The following NMNAT2 variants were observed in gnomAD, a reference collection of about 807,000 sequenced individuals.
NMNAT2 encodes nicotinamide nucleotide adenylyltransferase 2.
A neutral mutation model predicts 41.6 loss-of-function variants in NMNAT2; 11 were observed. The observed-to-expected ratio is 0.26, with a 90% CI of 0.17 to 0.44. NMNAT2 has a LOEUF of 0.44. NMNAT2 is among the 20% of genes least tolerant of loss of function. The probability of loss-of-function intolerance (pLI) is 1.00; values close to 1 mark genes in which losing one functional copy is unlikely to be tolerated. For synonymous variants in NMNAT2, 148 were observed against 151.2 expected (o/e 0.98, Z 0.16); for missense variants, 288 against 407.7 (o/e 0.71, Z 2.53).
At chr1:183,287,249 A>G (rs1203214355) in intron 4 of NMNAT2, among the ~76,000 whole-genome samples, 3 of 152,098 alleles carry the variant, frequency 2.0e-5, no homozygotes, top group Admixed American at 1.3e-4. Context: ...CAAATGCTTC[A>G]TGGGGCTCAA....
intron 3 of NMNAT2, 25 bp from the exon 4 acceptor site, chr1:183,290,231 C>T (rs1661505464): frequency 6.5e-7 from 1 of 1,538,480 alleles, no homozygotes; most frequent in South Asian, 1.2e-5. Flanking sequence ...AAGAAGTTTC[C>T]CTTGGTTTCT....
intron 1 of NMNAT2, among the ~76,000 whole-genome samples, chr1:183,308,270 T>A (rs1254322182): frequency 6.6e-6 from 1 of 152,178 alleles, no homozygotes; most frequent in Non-Finnish European, 1.5e-5. Context: ...CCACTGTGTA[T>A]CACTTAAAGC....
At chr1:183,377,313 A>G (rs1171567866) in intron 1 of NMNAT2, among the ~76,000 whole-genome samples, 2 of 152,200 alleles carry the variant, frequency 1.3e-5, no homozygotes, top group East Asian at 1.9e-4. Context: ...GACCCTCCCC[A>G]TACCCACCAC....
chr1:183,311,843 C>T (rs1159325026), intron 1 of NMNAT2, among the ~76,000 whole-genome samples: 1 of 151,870 alleles, frequency 6.6e-6, no homozygotes, highest in African/African-American at 2.4e-5. Flanking sequence ...TTTGAATTCC[C>T]ACATGTTGTG....
intron 1 of NMNAT2, among the ~76,000 whole-genome samples, chr1:183,294,698 G>A (rs1022273722): frequency 2.0e-5 from 3 of 152,144 alleles, no homozygotes; most frequent in Non-Finnish European, 2.9e-5. Context: ...ACTGAGGCAG[G>A]AGAATCGCTT....
chr1:183,359,379 C>T (rs1663260373), intron 1 of NMNAT2, among the ~76,000 whole-genome samples: 1 of 152,068 alleles, frequency 6.6e-6, no homozygotes, highest in South Asian at 2.1e-4. Flanking sequence ...ACTGCCCACC[C>T]AAGAGATAGA....
intron 1 of NMNAT2, chr1:183,304,728 C>A: frequency 6.2e-7 from 1 of 1,614,088 alleles, no homozygotes; most frequent in African/African-American, 1.3e-5. Flanking sequence ...CCTCTAGTTC[C>A]TGGATTTCCA....
At chr1:183,275,202 A>G (rs983072377) in intron 8 of NMNAT2, among the ~76,000 whole-genome samples, 3 of 152,192 alleles carry the variant, frequency 2.0e-5, no homozygotes, top group Admixed American at 2.0e-4. Context: ...AATGGCTGAG[A>G]CTAAAATTAC....
chr1:183,348,768 C>T (rs1054822829), intron 1 of NMNAT2, among the ~76,000 whole-genome samples: 3 of 152,186 alleles, frequency 2.0e-5, no homozygotes, highest in Non-Finnish European at 4.4e-5. Flanking sequence ...ATTCTGCTTT[C>T]GGAGATCTTG....
At chr1:183,317,977 AC>A (rs1257042969) in intron 1 of NMNAT2, among the ~76,000 whole-genome samples, 1 of 152,212 alleles carries the variant, frequency 6.6e-6, no homozygotes, top group Non-Finnish European at 1.5e-5. Flanking sequence ...AAACAGACAA[AC>A]ACAATACAGT....
chr1:183,352,436 G>A (rs146013092), intron 1 of NMNAT2, among the ~76,000 whole-genome samples: 7 of 151,958 alleles, frequency 4.6e-5, no homozygotes, highest in African/African-American at 1.4e-4. Context: ...AGTGGCATGC[G>A]CCTGCAATCC....
At chr1:183,411,336 A>T (rs1649111126) in intron 1 of NMNAT2, among the ~76,000 whole-genome samples, 1 of 151,966 alleles carries the variant, frequency 6.6e-6, no homozygotes, top group Non-Finnish European at 1.5e-5. Flanking sequence ...TTTTTTTAAG[A>T]TGGAGTCTCA....
At chr1:183,347,281 C>T (rs973429063) in intron 1 of NMNAT2, among the ~76,000 whole-genome samples, 1 of 152,108 alleles carries the variant, frequency 6.6e-6, no homozygotes, top group Non-Finnish European at 1.5e-5. Context: ...TAGTGAGATG[C>T]CATCTCTACA....
intron 3 of NMNAT2, among the ~76,000 whole-genome samples, chr1:183,291,410 G>A (rs1286059521): frequency 2.0e-5 from 3 of 152,118 alleles, no homozygotes; most frequent in Admixed American, 6.5e-5. Flanking sequence ...CCCTGGGAGC[G>A]CACCTGTGCC....
chr1:183,333,508 G>A (rs569468085), intron 1 of NMNAT2, among the ~76,000 whole-genome samples: 95 of 152,316 alleles, frequency 6.2e-4, no homozygotes, highest in Admixed American at 1.6e-3. Flanking sequence ...GAAAGAAGCA[G>A]AGGTCAGAGT....
At chr1:183,299,614 ATGACCAACATGGGCAACATAG>A (rs1661794420) in intron 1 of NMNAT2, among the ~76,000 whole-genome samples, 1 of 151,732 alleles carries the variant, frequency 6.6e-6, no homozygotes, top group Admixed American at 6.6e-5. Context: ...CTAGGAGTTC[ATGACCAACATGGGCAACATAG>A]TGAGACCTCT....
intron 1 of NMNAT2, among the ~76,000 whole-genome samples, chr1:183,399,152 G>A (rs909370062): frequency 6.9e-5 from 10 of 144,850 alleles, no homozygotes; most frequent in African/African-American, 2.0e-4. Flanking sequence ...CAACAAAATT[G>A]ATAGACCACT....
At chr1:183,314,056 A>G (rs956786358) in intron 1 of NMNAT2, among the ~76,000 whole-genome samples, 15 of 152,146 alleles carry the variant, frequency 9.9e-5, no homozygotes, top group African/African-American at 3.6e-4. Flanking sequence ...CATATGAACA[A>G]CAGAAGCAGT....
intron 1 of NMNAT2, among the ~76,000 whole-genome samples, chr1:183,395,753 G>A (rs1446635981): frequency 6.6e-6 from 1 of 152,188 alleles, no homozygotes. Context: ...ACTTTTTACA[G>A]TGTATTGGGA....
Sources: gnomAD v4.1 joint callset for allele counts (sites outside exome capture counted in the v4.1 genomes callset) on GRCh38, gnomAD v4.1.1 for gene constraint, MANE v1.5 for transcripts, NCBI Gene and HGNC (gene_info 2026-07-23, HGNC 2026-07-21) for gene names.